TMC1: variants seen among roughly 807,000 people sequenced by gnomAD.
The protein encoded by TMC1 is transmembrane channel-like protein 1.
A neutral mutation model predicts 105.8 loss-of-function variants in TMC1; 84 were observed. The ratio of observed to expected loss-of-function variants is 0.79; its 90% CI spans 0.67 to 0.95. The LOEUF (loss-of-function observed/expected upper bound fraction) is 0.95, where lower values mean the gene tolerates loss of function less well. Ranked by LOEUF, TMC1 falls within the 40% of genes least tolerant of loss-of-function variation. TMC1 has a pLI of 0.00. For missense variants in TMC1, 817 were observed against 914.1 expected (o/e 0.89, Z 1.37); for synonymous variants, 315 against 311.5 (o/e 1.01, Z -0.12).
intron 8 of TMC1, among the ~76,000 whole-genome samples, chr9:72,732,794 C>T (rs943403810): frequency 7.2e-5 from 11 of 152,098 alleles, no homozygotes; most frequent in Admixed American, 2.6e-4. Flanking sequence ...TTTTACTTAG[C>T]GAATCCTCAG....
intron 7 of TMC1, among the ~76,000 whole-genome samples, chr9:72,695,649 A>C (rs1313950544): frequency 6.6e-6 from 1 of 152,174 alleles, no homozygotes; most frequent in African/African-American, 2.4e-5. Flanking sequence ...TTCTATACTC[A>C]ATAGCTCTAA....
chr9:72,634,131 A>C (rs1825494253), intron 4 of TMC1, among the ~76,000 whole-genome samples: 1 of 152,120 alleles, frequency 6.6e-6, no homozygotes, highest in Admixed American at 6.5e-5. Context: ...TGTGGATGAA[A>C]TCATAGGAGT....
chr9:72,551,413 A>G (rs1375689856), intron 1 of TMC1, among the ~76,000 whole-genome samples: 2 of 152,216 alleles, frequency 1.3e-5, no homozygotes, highest in Non-Finnish European at 1.5e-5. Context: ...AAGCACCCCT[A>G]TGCTCTGAGC....
At chr9:72,781,842 T>C (rs1422239980) in intron 13 of TMC1, among the ~76,000 whole-genome samples, 1 of 152,058 alleles carries the variant, frequency 6.6e-6, no homozygotes, top group Non-Finnish European at 1.5e-5. Context: ...CCAGAAAAAG[T>C]CCTGGACCAG....
chr9:72,680,883 A>G (rs78160948), intron 5 of TMC1, among the ~76,000 whole-genome samples: 1,570 of 152,224 alleles, frequency 0.01, 26 homozygotes, highest in African/African-American at 0.036. Context: ...CTTAGGAACA[A>G]TCCTCTTCTT....
chr9:72,767,682 C>T (rs7863483), intron 12 of TMC1, among the ~76,000 whole-genome samples: 10,603 of 152,266 alleles, frequency 0.07, 430 homozygotes, highest in African/African-American at 0.11. Flanking sequence ...AGACAACACA[C>T]GAGCATGGCA....
chr9:72,670,440 G>A (rs1826110865), intron 5 of TMC1, among the ~76,000 whole-genome samples: 1 of 152,126 alleles, frequency 6.6e-6, no homozygotes, highest in Non-Finnish European at 1.5e-5. Context: ...CCAGAACAAA[G>A]CCGAAGACTA....
chr9:72,571,834 A>T (rs1056727438), intron 1 of TMC1, among the ~76,000 whole-genome samples: 2 of 151,616 alleles, frequency 1.3e-5, no homozygotes, highest in African/African-American at 2.4e-5. Flanking sequence ...TGCTTTGTGT[A>T]GATTGCTTAC....
At chr9:72,557,733 G>T (rs369031892) in intron 1 of TMC1, among the ~76,000 whole-genome samples, 1 of 152,194 alleles carries the variant, frequency 6.6e-6, no homozygotes. Flanking sequence ...TGCTGCAGGA[G>T]ATCTTAGCAA....
At chr9:72,603,711 A>G (rs1824860292) in intron 2 of TMC1, among the ~76,000 whole-genome samples, 1 of 151,630 alleles carries the variant, frequency 6.6e-6, no homozygotes, top group South Asian at 2.1e-4. Context: ...CACCATGTCC[A>G]GCTAGTTTTT....
chr9:72,638,340 G>C (rs892725494), intron 4 of TMC1, among the ~76,000 whole-genome samples: 51 of 152,152 alleles, frequency 3.4e-4, no homozygotes, highest in African/African-American at 1.2e-3. Context: ...AGTCATTTTT[G>C]AAACTTCCTT....
chr9:72,781,526 G>C lies in TMC1; in HGVS notation c.885-6813G>C, dbSNP rs141991944. Among the ~76,000 whole-genome samples, 6 of 152,044 alleles carry C rather than the reference G, an allele frequency of 3.9e-5. No homozygotes were observed. In the East Asian group the frequency reaches 9.6e-4, roughly 24 times the overall value. On this transcript the variant is annotated intron_variant, in intron 13 of 23. Transcript: ENST00000297784. ...CCATACAAAAGGTACATAAATCCAA[G>C]AGTTGTCTATTTGAAAGTATAAATA...
chr9:72,805,178 TA>T, intron 17 of TMC1: 2 of 435,182 alleles, frequency 4.6e-6, no homozygotes, highest in Non-Finnish European at 8.0e-6. Flanking sequence ...TTTGATTTAG[TA>T]AACGGGAAAT....
chr9:72,695,457 C>T (rs1192873305), intron 7 of TMC1, among the ~76,000 whole-genome samples: 1 of 152,096 alleles, frequency 6.6e-6, no homozygotes, highest in Non-Finnish European at 1.5e-5. Flanking sequence ...GTGTAAAACA[C>T]CTCTAATTAA....
At chr9:72,617,947 G>GTGTGTGTGTA (rs1449573693) in intron 3 of TMC1, among the ~76,000 whole-genome samples, 2 of 129,034 alleles carry the variant, frequency 1.5e-5, no homozygotes, top group African/African-American at 5.7e-5. Flanking sequence ...GTGTGTGTGT[G>GTGTGTGTGTA]TGTATGTGTG....
At chr9:72,829,074 A>C (rs1360911129) in intron 21 of TMC1, among the ~76,000 whole-genome samples, 1 of 152,204 alleles carries the variant, frequency 6.6e-6, no homozygotes, top group Non-Finnish European at 1.5e-5. Context: ...ATGTACTGAA[A>C]GGTTGATTGT....
Position 72,588,974 on chromosome 9 carries a change from T to C in TMC1, c.-306+10951T>C, listed in dbSNP as rs570373595. Among the ~76,000 whole-genome samples, 26 of 152,202 alleles carry C rather than the reference T, an allele frequency of 1.7e-4. No individual in the cohort carries two copies. In the South Asian group the frequency reaches 5.0e-3, roughly 29 times the overall value. On this transcript the variant is annotated intron_variant, in intron 2 of 23. Coordinates refer to ENST00000297784, the MANE Select transcript of TMC1 (RefSeq NM_138691.3). ...TAGTAGAGACAGGGTTTCTCCATGT[T>C]GGTCAGGCTGGTCTTGAACTCCCAA... is the stretch of plus-strand genomic sequence containing the variant.
intron 4 of TMC1, among the ~76,000 whole-genome samples, chr9:72,647,005 G>A (rs1357463065): frequency 6.6e-6 from 1 of 151,864 alleles, no homozygotes; most frequent in Non-Finnish European, 1.5e-5. Context: ...AGCCCGGTGT[G>A]GTGGCGGGTG....
chr9:72,752,766 G>A (rs1406829200), intron 11 of TMC1, among the ~76,000 whole-genome samples: 4 of 152,118 alleles, frequency 2.6e-5, no homozygotes, highest in African/African-American at 9.7e-5. Flanking sequence ...CATTGACAGT[G>A]GCCAAAATTT....
Sources: allele counts gnomAD v4.1 joint callset (sites outside exome capture counted in the v4.1 genomes callset), GRCh38; gene constraint gnomAD v4.1.1; transcripts MANE v1.5; gene names NCBI Gene and HGNC (gene_info 2026-07-23, HGNC 2026-07-21).